The following POT1 variants were observed in gnomAD, a reference collection of about 807,000 sequenced individuals.
POT1 encodes protection of telomeres protein 1.
In POT1, 47 loss-of-function variants were observed where a neutral mutation model predicts 78.5. The ratio of observed to expected loss-of-function variants is 0.60; its 90% CI spans 0.47 to 0.76. POT1 has a LOEUF of 0.76. POT1 is among the 30% of genes least tolerant of loss of function. The pLI is 0.00. For synonymous variants in POT1, 259 were observed against 260.7 expected, an observed-to-expected ratio of 0.99 and a Z score of 0.06; for missense variants, 646 against 749.9, an observed-to-expected ratio of 0.86 and a Z score of 1.62.
At chr7:124,926,043 T>C (rs944836414) in intron 2 of POT1, among the ~76,000 whole-genome samples, 30 of 152,170 alleles carry the variant, frequency 2.0e-4, no homozygotes, top group African/African-American at 7.2e-4. Context: ...GATATTGGTT[T>C]AGGCAAACAA....
intron 5 of POT1, among the ~76,000 whole-genome samples, chr7:124,893,591 A>G (rs186486347): frequency 1.3e-5 from 2 of 151,682 alleles, no homozygotes; most frequent in Admixed American, 1.3e-4. Flanking sequence ...AAATCAGTTG[A>G]AACCAAGATG....
chr7:124,923,077 G>A (rs923050296), intron 2 of POT1, among the ~76,000 whole-genome samples: 34 of 151,192 alleles, frequency 2.2e-4, no homozygotes, highest in Non-Finnish European at 3.1e-4. Flanking sequence ...TAGATGCACA[G>A]ATATCAAAGG....
chr7:124,875,905 A>G (rs893647484), intron 6 of POT1, among the ~76,000 whole-genome samples: 29 of 152,206 alleles, frequency 1.9e-4, no homozygotes, highest in African/African-American at 7.0e-4. Flanking sequence ...TGATATTTAC[A>G]TACCAAAATT....
At chr7:124,869,279 G>A (rs993130631) in intron 7 of POT1, among the ~76,000 whole-genome samples, 3 of 152,136 alleles carry the variant, frequency 2.0e-5, no homozygotes, top group Non-Finnish European at 4.4e-5. Flanking sequence ...ACTATATGCT[G>A]TTAGAGGTCA....
intron 6 of POT1, among the ~76,000 whole-genome samples, chr7:124,875,167 T>G (rs1269441574): frequency 6.6e-6 from 1 of 152,164 alleles, no homozygotes; most frequent in African/African-American, 2.4e-5. Flanking sequence ...TTTTCCAAAA[T>G]AGAGAACACA....
At chr7:124,869,695 G>A (rs1351528420) in intron 7 of POT1, among the ~76,000 whole-genome samples, 1 of 152,118 alleles carries the variant, frequency 6.6e-6, no homozygotes, top group Non-Finnish European at 1.5e-5. Context: ...CGATTCTCCT[G>A]CCTCAGCCTC....
At chr7:124,910,099 A>G (rs1796856412) in intron 3 of POT1, among the ~76,000 whole-genome samples, 1 of 151,932 alleles carries the variant, frequency 6.6e-6, no homozygotes, top group Non-Finnish European at 1.5e-5. Flanking sequence ...ACACATATAA[A>G]AAACCTGGAA....
At chr7:124,902,696 G>T (rs1291903684) in intron 3 of POT1, among the ~76,000 whole-genome samples, 1 of 152,118 alleles carries the variant, frequency 6.6e-6, no homozygotes, top group East Asian at 1.9e-4. Flanking sequence ...AAATGTAAAT[G>T]GGCTAAATGC....
intron 3 of POT1, among the ~76,000 whole-genome samples, chr7:124,906,946 A>G (rs568364037): frequency 1.3e-5 from 2 of 152,252 alleles, no homozygotes; most frequent in Admixed American, 1.3e-4. Context: ...ATGAGATTTT[A>G]TATGGGGTGT....
chr7:124,841,238 A>C, intron 13 of POT1, 60 bp from the exon 14 acceptor site: 1 of 1,305,392 alleles, frequency 7.7e-7, no homozygotes, highest in East Asian at 2.3e-5. Flanking sequence ...GAAGATTTCC[A>C]TTTAACAAGT....
intron 15 of POT1, among the ~76,000 whole-genome samples, chr7:124,833,254 T>C (rs1794813217): frequency 1.3e-5 from 2 of 152,154 alleles, no homozygotes; most frequent in African/African-American, 4.8e-5. Context: ...TTTTATGATA[T>C]GTTGGAAGGA....
At chr7:124,877,885 A>G (rs1400894262) in intron 6 of POT1, among the ~76,000 whole-genome samples, 1 of 148,056 alleles carries the variant, frequency 6.8e-6, no homozygotes, top group East Asian at 2.0e-4. Flanking sequence ...ATCACTTAGC[A>G]TAATGTTCTC....
chr7:124,829,726 CTATATA>C lies in POT1; in HGVS notation c.1506-390_1506-385del, dbSNP rs546858709. Among the ~76,000 whole-genome samples, 141 of 150,082 alleles carry C rather than the reference CTATATA, an allele frequency of 9.4e-4. 1 individual carries two copies. Among genetic ancestry groups the C allele is most frequent in the African/African-American group, 3.0e-3 (121 of 40,518 alleles). On this transcript the variant is annotated intron_variant, in intron 15 of 18. Coordinates refer to ENST00000357628, the MANE Select transcript of POT1 (RefSeq NM_015450.3). ...TCTATATCTATATCTATATCTATATCTATATATATATATTTTTTAAGACAAGGTCTC... is the reference window on the plus strand; with the variant it reads ...TCTATATCTATATCTATATCTATATCTATATATTTTTTAAGACAAGGTCTC...
At chr7:124,896,475 A>T (rs904946684) in intron 5 of POT1, among the ~76,000 whole-genome samples, 1 of 151,804 alleles carries the variant, frequency 6.6e-6, no homozygotes, top group Non-Finnish European at 1.5e-5. Flanking sequence ...CTCAGAATTT[A>T]GTAACTGTGT....
intron 6 of POT1, among the ~76,000 whole-genome samples, chr7:124,879,805 T>C (rs1221360738): frequency 6.6e-6 from 1 of 152,134 alleles, no homozygotes; most frequent in East Asian, 1.9e-4. Context: ...GTACTTCACC[T>C]ATGTAAAAGT....
intron 9 of POT1, 59 bp downstream of exon 9, chr7:124,858,898 G>A: frequency 1.5e-6 from 2 of 1,339,978 alleles, no homozygotes; most frequent in Non-Finnish European, 2.0e-6. Context: ...ATTTACATGA[G>A]CAAAAATCAC....
In POT1 at chr7:124,863,556, T is replaced by C. The variant is rs146552802; in HGVS notation, c.340A>G (p.Ile114Val). The change falls in exon 8 of 19, where the codon ATC becomes GTC. Residue 114 changes from isoleucine to valine, a missense_variant. This residue lies in a region of POT1 where 252 missense variants were observed against 341.4 expected (regional missense o/e 0.74). Coordinates refer to ENST00000357628, the MANE Select transcript of POT1 (RefSeq NM_015450.3). ...LTFEGTLGAP[I>V]IPRTSSKYFN... ...TACTTGCTTGAAGTGCGAGGTATGA[T>C]AGGGGCTCCCAAAGTTCCCTCAAAC... 8.9e-5 allele frequency: 143 copies of C among 1,613,858 alleles called. No homozygotes were observed. The African/African-American group carries it at 1.2e-3, about 14-fold the overall frequency.
At chr7:124,846,262 TTTACC>T (rs1216015313) in intron 12 of POT1, among the ~76,000 whole-genome samples, 4 of 152,082 alleles carry the variant, frequency 2.6e-5, no homozygotes, top group Admixed American at 1.3e-4. Context: ...GACTTCTGTA[TTTACC>T]TAGAAAACAT....
In POT1 at chr7:124,835,284, G is replaced by A. The variant is rs745729439; in HGVS notation, c.1500C>T (p.His500=). The change falls in exon 15 of 19, where the codon CAC becomes CAT. Residue 500 remains histidine, a synonymous_variant. Transcript: ENST00000357628. ...APFLIQGTIH[H]YGCKQCSSLR... The stretch of plus-strand genomic sequence containing the variant: ...AACAAAACAAAACAAAATACCCATA[G>A]TGATGTATTGTTCCTTGTATAAGAA... 1 of 1,610,524 alleles carries A rather than the reference G, an allele frequency of 6.2e-7. No homozygotes were observed. The highest frequency in any genetic ancestry group is 2.2e-5 in the East Asian group (1 of 44,762).
Sources: allele counts gnomAD v4.1 joint callset (sites outside exome capture counted in the v4.1 genomes callset), GRCh38; gene constraint gnomAD v4.1.1; regional missense constraint gnomAD v4.1.1; transcripts MANE v1.5; gene names NCBI Gene and HGNC (gene_info 2026-07-23, HGNC 2026-07-21).